RASGRP1: variants seen among roughly 807,000 people sequenced by gnomAD.
RASGRP1 encodes the protein RAS guanyl-releasing protein 1.
RASGRP1 carries 37 observed loss-of-function variants against 95.1 expected under a neutral mutation model. The observed-to-expected ratio is 0.39, with a 90% CI of 0.30 to 0.51. The LOEUF is 0.51. Ranked by LOEUF, RASGRP1 falls within the 20% of genes least tolerant of loss-of-function variation. The pLI is 0.80. For synonymous variants in RASGRP1, 325 were observed against 353.4 expected (o/e 0.92, Z 0.90); for missense variants, 711 against 965.4 (o/e 0.74, Z 3.49).
intron 2 of RASGRP1, among the ~76,000 whole-genome samples, chr15:38,547,414 A>G (rs1425025845): frequency 6.6e-6 from 1 of 152,186 alleles, no homozygotes; most frequent in African/African-American, 2.4e-5. Context: ...GACTTGGTAC[A>G]TCAATGCTCC....
rs141917019 is a variant in RASGRP1, at chr15:38,542,370, C to T, written c.221-15966G>A. On this transcript the variant is annotated intron_variant, in intron 2 of 16. Transcript: ENST00000310803. ...AAAACAACAAACAAAAAACCACCAA[C>T]GGAACTCAAAATAGATTCCAAGGCC... is the stretch of plus-strand genomic sequence containing the variant. Among the ~76,000 whole-genome samples the T allele has an allele frequency of 8.0e-3, 1,212 of 152,112 alleles. 16 individuals carry two copies. Among genetic ancestry groups the T allele is most frequent in the South Asian group, 0.027 (131 of 4,812 alleles).
At chr15:38,512,679 T>C in intron 7 of RASGRP1, 104 bp downstream of exon 7, 1 of 1,413,406 alleles carries the variant, frequency 7.1e-7, no homozygotes, top group South Asian at 1.3e-5. Context: ...TCGCCATGGT[T>C]CAGGAGGGAA....
chr15:38,560,103 C>T, intron 1 of RASGRP1, 98 bp from the exon 2 acceptor site: 2 of 1,163,884 alleles, frequency 1.7e-6, no homozygotes, highest in Non-Finnish European at 2.5e-6. Flanking sequence ...CAATTAATCT[C>T]AGGAGCTGGG....
intron 2 of RASGRP1, among the ~76,000 whole-genome samples, chr15:38,542,862 CACATATA>C: frequency 1.3e-5 from 1 of 77,496 alleles, no homozygotes; most frequent in South Asian, 4.4e-4. Context: ...TATATATATA[CACATATA>C]TGTGTATATA....
chr15:38,531,257 C>T (rs571597292), intron 2 of RASGRP1, among the ~76,000 whole-genome samples: 1 of 152,180 alleles, frequency 6.6e-6, no homozygotes, highest in African/African-American at 2.4e-5. Context: ...GGAGCTGGGA[C>T]CTGGCCCAAG....
intron 9 of RASGRP1, among the ~76,000 whole-genome samples, chr15:38,506,139 C>G (rs147946284): frequency 1.4e-3 from 215 of 150,540 alleles, no homozygotes; most frequent in Non-Finnish European, 2.6e-3. Flanking sequence ...AGGATGCCCT[C>G]TTTTTAACTA....
At chr15:38,542,844 TATATGTGTATATATATACAC>T (rs1892932160) in intron 2 of RASGRP1, among the ~76,000 whole-genome samples, 1 of 126,902 alleles carries the variant, frequency 7.9e-6, no homozygotes. Context: ...TGTATATATA[TATATGTGTATATATATACAC>T]ATATATGTGT....
intron 2 of RASGRP1, among the ~76,000 whole-genome samples, chr15:38,558,368 T>C (rs191157556): frequency 2.6e-5 from 4 of 152,332 alleles, no homozygotes; most frequent in African/African-American, 7.2e-5. Context: ...AACTGAATGA[T>C]TAAAGTGTGA....
chr15:38,502,169 A>C, intron 12 of RASGRP1, 143 bp downstream of exon 12: 1 of 615,550 alleles, frequency 1.6e-6, no homozygotes, highest in Admixed American at 3.2e-5. Flanking sequence ...AATATTTTTA[A>C]AAGAATGCAT....
chr15:38,527,941 G>C (rs974869233), intron 2 of RASGRP1, among the ~76,000 whole-genome samples: 1 of 152,062 alleles, frequency 6.6e-6, no homozygotes, highest in African/African-American at 2.4e-5. Context: ...CTGGGTGACA[G>C]AGCATGAGCC....
chr15:38,513,455 C>T (rs1165644392), intron 6 of RASGRP1, among the ~76,000 whole-genome samples: 1 of 152,134 alleles, frequency 6.6e-6, no homozygotes, highest in Non-Finnish European at 1.5e-5. Flanking sequence ...TGTGTGAAAG[C>T]TTTAACTTTT....
At chr15:38,494,848 CCTTT>C (rs1890736124) in intron 15 of RASGRP1, 81 bp from the exon 16 acceptor site, 1 of 1,184,130 alleles carries the variant, frequency 8.4e-7, no homozygotes, top group Non-Finnish European at 1.1e-6. Context: ...TTCAATGAGA[CCTTT>C]CTTATTGTTA....
intron 13 of RASGRP1, among the ~76,000 whole-genome samples, chr15:38,500,906 C>G (rs557985245): frequency 6.6e-6 from 1 of 152,222 alleles, no homozygotes; most frequent in South Asian, 2.1e-4. Flanking sequence ...TATCCTAATT[C>G]AGCATTTCTG....
chr15:38,537,462 T>G (rs1892698544), intron 2 of RASGRP1, among the ~76,000 whole-genome samples: 1 of 152,054 alleles, frequency 6.6e-6, no homozygotes, highest in African/African-American at 2.4e-5. Flanking sequence ...TACAGTTTGA[T>G]TCTTTGATGA....
At chr15:38,549,561 T>C (rs756816567) in intron 2 of RASGRP1, among the ~76,000 whole-genome samples, 5 of 152,184 alleles carry the variant, frequency 3.3e-5, no homozygotes, top group Non-Finnish European at 7.4e-5. Flanking sequence ...GGCAAAGATA[T>C]ACCTTTGATA....
At chr15:38,492,895 T>C (rs1890646254) in intron 16 of RASGRP1, among the ~76,000 whole-genome samples, 2 of 152,018 alleles carry the variant, frequency 1.3e-5, no homozygotes, top group African/African-American at 4.8e-5. Context: ...CTTTTTTTTT[T>C]TTTGAGTTGG....
intron 16 of RASGRP1, 83 bp from the exon 17 acceptor site, chr15:38,490,771 G>A (rs142570588): frequency 3.5e-5 from 49 of 1,384,332 alleles, no homozygotes; most frequent in Non-Finnish European, 4.8e-5. Flanking sequence ...ACTTTTGATT[G>A]GCATTTCCTA....
intron 12 of RASGRP1, 86 bp from the exon 13 acceptor site, chr15:38,501,373 A>G: frequency 8.1e-6 from 12 of 1,481,732 alleles, no homozygotes; most frequent in Non-Finnish European, 1.0e-5. Flanking sequence ...TTAGAAACTC[A>G]CCTTTCTTTT....
chr15:38,556,358 T>C (rs1893551882), intron 2 of RASGRP1, among the ~76,000 whole-genome samples: 1 of 152,200 alleles, frequency 6.6e-6, no homozygotes, highest in African/African-American at 2.4e-5. Flanking sequence ...TTATATGTAC[T>C]AGCCACTGCC....
Sources: gnomAD v4.1 joint callset for allele counts (sites outside exome capture counted in the v4.1 genomes callset) on GRCh38, gnomAD v4.1.1 for gene constraint, MANE v1.5 for transcripts, NCBI Gene and HGNC (gene_info 2026-07-23, HGNC 2026-07-21) for gene names.